The following AMPH variants were observed in gnomAD, a reference collection of about 807,000 sequenced individuals.
The protein encoded by AMPH is amphiphysin, also known as amphiphysin (Stiff-Mann syndrome with breast cancer 128kD autoantigen).
A neutral mutation model predicts 99.1 loss-of-function variants in AMPH; 49 were observed. That is an observed-to-expected ratio of 0.49 (90% CI 0.39 to 0.63). The LOEUF (loss-of-function observed/expected upper bound fraction) is 0.63, where lower values mean the gene tolerates loss of function less well. Among genes scored for constraint, AMPH ranks in the 20% least tolerant of loss-of-function variants. The pLI is 0.00. For synonymous variants in AMPH, 314 were observed against 317.3 expected (o/e 0.99, Z 0.11); for missense variants, 759 against 863.4 (o/e 0.88, Z 1.52).
In AMPH at chr7:38,459,181, G is replaced by A. The variant is rs138302883; in HGVS notation, c.1017+2102C>T. ...AAGAAATTTAGCCAAGGAAGTGAAA[G>A]ATCTGTATGAGGAAAACTACAAAAT... is the stretch of plus-strand genomic sequence containing the variant. On this transcript the variant is annotated intron_variant, in intron 11 of 20. Transcript: ENST00000356264. 6.3e-3 allele frequency among the ~76,000 whole-genome samples: 964 copies of A among 152,048 alleles called. 1 individual carries two copies. Among genetic ancestry groups the A allele is most frequent in the Non-Finnish European group, 9.8e-3 (664 of 67,948 alleles).
intron 1 of AMPH, among the ~76,000 whole-genome samples, chr7:38,613,352 G>C (rs1793752732): frequency 6.6e-6 from 1 of 152,198 alleles, no homozygotes; most frequent in African/African-American, 2.4e-5. Context: ...AATACAGGTA[G>C]AACTTTCACC....
intron 15 of AMPH, among the ~76,000 whole-genome samples, chr7:38,423,988 C>A (rs999700765): frequency 8.5e-5 from 13 of 152,150 alleles, no homozygotes; most frequent in African/African-American, 1.4e-4. Context: ...AATATTGAGA[C>A]CATGCACCCC....
chr7:38,494,372 AG>A, intron 4 of AMPH, 60 bp downstream of exon 4: 1 of 1,382,292 alleles, frequency 7.2e-7, no homozygotes. Context: ...AGAGCAAGTC[AG>A]GGGACAGGTG....
chr7:38,455,404 G>A (rs1489245807), intron 11 of AMPH, among the ~76,000 whole-genome samples: 3 of 152,110 alleles, frequency 2.0e-5, no homozygotes, highest in African/African-American at 7.2e-5. Context: ...TCTCAAGATG[G>A]CCGACTAAAG....
intron 5 of AMPH, among the ~76,000 whole-genome samples, chr7:38,487,036 C>T (rs1788524872): frequency 6.6e-6 from 1 of 152,024 alleles, no homozygotes; most frequent in African/African-American, 2.4e-5. Flanking sequence ...TGCCCACCCT[C>T]ACCACTTCTT....
At chr7:38,477,478 T>C (rs560704627) in intron 5 of AMPH, among the ~76,000 whole-genome samples, 1 of 152,316 alleles carries the variant, frequency 6.6e-6, no homozygotes, top group Admixed American at 6.5e-5. Flanking sequence ...CCTGGACTAA[T>C]GTGTCATTTG....
intron 1 of AMPH, among the ~76,000 whole-genome samples, chr7:38,597,939 C>A (rs1793115481): frequency 2.0e-5 from 3 of 152,166 alleles, no homozygotes; most frequent in Non-Finnish European, 2.9e-5. Context: ...CCACCCTTAT[C>A]CTCTGAGAAC....
At position 38,410,791 on chromosome 7, in the gene AMPH, T is replaced by C. The variant is rs935057117; in HGVS notation, c.1398+7034A>G. ...TTTCAAATACATCCCCTTTGAAATT[T>C]GCTTTGCCGCCAAAGTGGAGGATTA... On this transcript the variant is annotated intron_variant, in intron 17 of 20. Transcript: ENST00000356264. 2.0e-5 allele frequency among the ~76,000 whole-genome samples: 3 copies of C among 152,208 alleles called. No homozygotes were observed. The East Asian group carries it at 5.8e-4, about 29-fold the overall frequency.
At chr7:38,613,406 G>C (rs1481526040) in intron 1 of AMPH, among the ~76,000 whole-genome samples, 1 of 152,174 alleles carries the variant, frequency 6.6e-6, no homozygotes, top group Admixed American at 6.5e-5. Flanking sequence ...AAATTGTAAA[G>C]CTCTGTATTG....
At chr7:38,418,765 G>C (rs1258276396) in intron 16 of AMPH, among the ~76,000 whole-genome samples, 1 of 152,094 alleles carries the variant, frequency 6.6e-6, no homozygotes, top group East Asian at 1.9e-4. Context: ...CCCCTGAATT[G>C]TGTAGGCAGG....
In AMPH at chr7:38,476,969, T is replaced by G. The variant is rs138538388; in HGVS notation, c.397A>C (p.Asn133His). ...TYLGQFPDIK[N>H]RIAKRSRKLV... ...TTCCTGCTGCGCTTGGCGATGCGAT[T>G]CTGTCAACAGGAAATGCACTCACTA... Residue 133 changes from asparagine to histidine, a missense_variant and splice_region_variant, in exon 6 of 21, where the codon AAT becomes CAT. Around this residue, in one of 2 missense-constraint regions of AMPH, gnomAD observed 205 missense variants for 287.9 expected, o/e 0.71. Coordinates refer to ENST00000356264, the MANE Select transcript of AMPH (RefSeq NM_001635.4). 1.9e-6 allele frequency: 3 copies of G among 1,613,358 alleles called. No individual in the cohort carries two copies. The African/African-American group carries it at 4.0e-5, about 22-fold the overall frequency.
At chr7:38,401,637 GTACTGA>G (rs1455367455) in intron 17 of AMPH, among the ~76,000 whole-genome samples, 4 of 152,080 alleles carry the variant, frequency 2.6e-5, no homozygotes, top group African/African-American at 9.7e-5. Flanking sequence ...CTGACCTTTA[GTACTGA>G]TATGGATAAG....
intron 9 of AMPH, 146 bp from the exon 10 acceptor site, chr7:38,463,259 T>C (rs758633346): frequency 4.1e-5 from 42 of 1,034,742 alleles, no homozygotes; most frequent in Admixed American, 5.9e-5. Flanking sequence ...TCTGGTTAAT[T>C]GCAACAGTGA....
At chr7:38,485,569 A>G (rs898505090) in intron 5 of AMPH, among the ~76,000 whole-genome samples, 1 of 151,942 alleles carries the variant, frequency 6.6e-6, no homozygotes, top group Non-Finnish European at 1.5e-5. Context: ...TACAATTTCA[A>G]TTATAGACAC....
intron 1 of AMPH, among the ~76,000 whole-genome samples, chr7:38,554,083 C>T (rs1360334504): frequency 6.6e-6 from 1 of 152,218 alleles, no homozygotes; most frequent in Non-Finnish European, 1.5e-5. Context: ...CTCCAATTCC[C>T]CTGCCTGGCT....
chr7:38,571,250 A>G (rs1255933680), intron 1 of AMPH, among the ~76,000 whole-genome samples: 5 of 76,230 alleles, frequency 6.6e-5, no homozygotes, highest in African/African-American at 2.7e-4. Context: ...AATTATAAAT[A>G]TATATTAAAT....
chr7:38,613,068 T>C (rs1423674127), intron 1 of AMPH, among the ~76,000 whole-genome samples: 1 of 152,218 alleles, frequency 6.6e-6, no homozygotes, highest in East Asian at 1.9e-4. Context: ...AGCATCATTT[T>C]CTGCATTTTG....
chr7:38,437,189 T>G (rs1040199062), intron 11 of AMPH, among the ~76,000 whole-genome samples: 1 of 152,130 alleles, frequency 6.6e-6, no homozygotes, highest in African/African-American at 2.4e-5. Context: ...ATGAAAACAA[T>G]GTGGGCTTGA....
intron 2 of AMPH, among the ~76,000 whole-genome samples, chr7:38,509,383 G>A (rs977647355): frequency 2.0e-5 from 3 of 152,092 alleles, no homozygotes; most frequent in Non-Finnish European, 4.4e-5. Context: ...GAATATCTAC[G>A]ATCTGAAGAC....
Sources: gnomAD v4.1 joint callset for allele counts (sites outside exome capture counted in the v4.1 genomes callset) on GRCh38, gnomAD v4.1.1 for gene constraint, gnomAD v4.1.1 regional missense constraint, MANE v1.5 for transcripts, NCBI Gene and HGNC (gene_info 2026-07-23, HGNC 2026-07-21) for gene names.